Variants in RAB6B observed in about 807,000 individuals in gnomAD.
RAB6B encodes ras-related protein Rab-6B.
Under a neutral mutation model 31.2 loss-of-function variants are expected in RAB6B, and 7 were observed. That is an observed-to-expected ratio of 0.22 (90% CI 0.13 to 0.42). The LOEUF (loss-of-function observed/expected upper bound fraction) is 0.42. Among genes scored for constraint, RAB6B ranks in the 10% least tolerant of loss-of-function variants. RAB6B has a pLI of 1.00. For missense variants in RAB6B, 149 were observed against 280.6 expected, an observed-to-expected ratio of 0.53 and a Z score of 3.35; for synonymous variants, 105 against 104.9, an observed-to-expected ratio of 1.00 and a Z score of -0.01.
rs751717977 is a variant in RAB6B, at chr3:133,838,247, G to C, written c.414C>G (p.Ile138Met). ...CTTTGGCGCGCTGCTCCCCCTCCTC[G>C]ATGGTTATCTGCCTAGAGATGAGGG... ...TDLADKRQIT[I>M]EEGEQRAKEL... is the part of the protein sequence containing the mutation. The change falls in exon 6 of 8, where the codon ATC (isoleucine) becomes ATG (methionine). Residue 138 changes from isoleucine to methionine, a missense_variant. By Grantham distance (10) the Ile-to-Met change is conservative. Transcript: ENST00000285208. 3 of 1,613,898 alleles carry C rather than the reference G, an allele frequency of 1.9e-6. No homozygotes were observed. Among genetic ancestry groups the C allele is most frequent in the Non-Finnish European group, 2.5e-6 (3 of 1,179,800 alleles).
At chr3:133,889,407 T>C (rs1302377813) in intron 1 of RAB6B, among the ~76,000 whole-genome samples, 23 of 41,054 alleles carry the variant, frequency 5.6e-4, no homozygotes, top group African/African-American at 1.9e-3. Flanking sequence ...TATATATATA[T>C]ATATATATAT....
At chr3:133,888,047 A>T (rs907304588) in intron 1 of RAB6B, among the ~76,000 whole-genome samples, 1 of 152,196 alleles carries the variant, frequency 6.6e-6, no homozygotes, top group African/African-American at 2.4e-5. Context: ...AGCTTGGCAC[A>T]AACACTCCCC....
At chr3:133,869,844 G>T (rs934456152) in intron 1 of RAB6B, among the ~76,000 whole-genome samples, 1 of 152,178 alleles carries the variant, frequency 6.6e-6, no homozygotes, top group Non-Finnish European at 1.5e-5. Flanking sequence ...GAGCCTTCAG[G>T]TGACTCCAGC....
intron 2 of RAB6B, among the ~76,000 whole-genome samples, chr3:133,860,017 G>A (rs988095573): frequency 6.6e-6 from 1 of 152,196 alleles, no homozygotes; most frequent in Non-Finnish European, 1.5e-5. Context: ...GGAGGCACGT[G>A]AAGGGCCGGA....
At chr3:133,894,363 A>G (rs1411680871) in intron 1 of RAB6B, 1 of 152,312 alleles carries the variant, frequency 6.6e-6, no homozygotes, top group African/African-American at 2.4e-5. Flanking sequence ...CTGCCCTTCA[A>G]TCTGGGCTTC....
intron 2 of RAB6B, among the ~76,000 whole-genome samples, chr3:133,858,131 G>A (rs1936108306): frequency 6.6e-6 from 1 of 152,082 alleles, no homozygotes; most frequent in Non-Finnish European, 1.5e-5. Context: ...ATCCCAACCC[G>A]CCCTCGGGCC....
intron 2 of RAB6B, among the ~76,000 whole-genome samples, chr3:133,854,111 G>A (rs1336362414): frequency 6.6e-6 from 1 of 152,180 alleles, no homozygotes; most frequent in African/African-American, 2.4e-5. Context: ...GTTCTGCACT[G>A]AAGAAACACG....
At chr3:133,846,000 A>G (rs1300701708) in intron 2 of RAB6B, among the ~76,000 whole-genome samples, 7 of 152,258 alleles carry the variant, frequency 4.6e-5, no homozygotes, top group Admixed American at 4.6e-4. Flanking sequence ...GGATTTAAAT[A>G]ACAGTAGCTA....
chr3:133,873,001 A>C (rs896556855), intron 1 of RAB6B, among the ~76,000 whole-genome samples: 13 of 152,128 alleles, frequency 8.5e-5, no homozygotes, highest in Admixed American at 8.5e-4. Flanking sequence ...ACCAGCTAGG[A>C]GGCGGACCGA....
intron 2 of RAB6B, 142 bp from the exon 3 acceptor site, chr3:133,841,805 C>T: frequency 2.8e-6 from 2 of 721,554 alleles, no homozygotes; most frequent in East Asian, 5.4e-5. Flanking sequence ...GTCCTCCCTG[C>T]CCCTCCCTGC....
chr3:133,886,363 C>T lies in RAB6B; in HGVS notation c.70+9034G>A, dbSNP rs191318608. Among the ~76,000 whole-genome samples the T allele has an allele frequency of 1.1e-3, 161 of 152,298 alleles. 1 individual carries two copies. In the Middle Eastern group the frequency reaches 0.02, roughly 19 times the overall value. ...CTGCTTATTGTGGGCCAAGTACTAC[C>T]GACCTCACACATCTGAAGGCATATA... On this transcript the variant is annotated intron_variant, in intron 1 of 7. Coordinates refer to ENST00000285208, the MANE Select transcript of RAB6B (RefSeq NM_016577.4).
At chr3:133,863,480 TATAA>T (rs1185975548) in intron 2 of RAB6B, among the ~76,000 whole-genome samples, 1 of 152,244 alleles carries the variant, frequency 6.6e-6, no homozygotes, top group African/African-American at 2.4e-5. Flanking sequence ...CGCTGTGTTC[TATAA>T]ATATTTGTCC....
chr3:133,855,138 G>C (rs908571173), intron 2 of RAB6B, among the ~76,000 whole-genome samples: 4 of 152,252 alleles, frequency 2.6e-5, no homozygotes, highest in Admixed American at 1.3e-4. Context: ...ACCATTAAAT[G>C]AAAGTATCAG....
intron 2 of RAB6B, among the ~76,000 whole-genome samples, chr3:133,859,614 C>T (rs150540062): frequency 2.0e-5 from 3 of 152,362 alleles, no homozygotes; most frequent in East Asian, 3.9e-4. Flanking sequence ...AGGCTGGCAA[C>T]CCCCTGGGCC....
At chr3:133,874,245 G>C (rs1936362280) in intron 1 of RAB6B, among the ~76,000 whole-genome samples, 1 of 152,216 alleles carries the variant, frequency 6.6e-6, no homozygotes, top group Non-Finnish European at 1.5e-5. Flanking sequence ...AGAGGGATAA[G>C]TTCTGAGCAA....
intron 1 of RAB6B, among the ~76,000 whole-genome samples, chr3:133,867,735 G>C (rs557805852): frequency 7.2e-5 from 11 of 152,314 alleles, no homozygotes; most frequent in African/African-American, 1.9e-4. Context: ...AGGTGCCCTG[G>C]AAGTGCTTTG....
At chr3:133,859,597 G>C (rs906862832) in intron 2 of RAB6B, among the ~76,000 whole-genome samples, 2 of 152,218 alleles carry the variant, frequency 1.3e-5, no homozygotes, top group Non-Finnish European at 2.9e-5. Context: ...TTAAGGTCAT[G>C]CTGCCAAGGC....
intron 1 of RAB6B, among the ~76,000 whole-genome samples, chr3:133,880,386 A>T (rs1417462987): frequency 6.6e-6 from 1 of 152,256 alleles, no homozygotes; most frequent in Non-Finnish European, 1.5e-5. Flanking sequence ...GCTGAGACCC[A>T]GTCAGAAGGT....
Position 133,825,747 on chromosome 3 carries a change from C to T in RAB6B, c.*3041G>A, listed in dbSNP as rs983422445. ...GTTGATAAGCTTTTAAGATTCACCC[C>T]CTTCACTCCCACCATCCCCAAAAAA... On this transcript the variant is annotated 3_prime_UTR_variant, in exon 8 of 8. Transcript: ENST00000285208. The T allele has an allele frequency of 6.6e-6, 1 of 152,208 alleles. No individual in the cohort carries two copies. Among genetic ancestry groups the T allele is most frequent in the African/African-American group, 2.4e-5 (1 of 41,438 alleles). The allele number at this position is 152,208 out of a possible 1,614,324, so 9.4% of individuals were successfully genotyped here. A position where few individuals can be genotyped will look rare whatever the true frequency, so the allele number is the denominator to read the frequency against.
Sources: gnomAD v4.1 joint callset for allele counts (sites outside exome capture counted in the v4.1 genomes callset) on GRCh38, gnomAD v4.1.1 for gene constraint, MANE v1.5 for transcripts, NCBI Gene and HGNC (gene_info 2026-07-23, HGNC 2026-07-21) for gene names.